ABCA5: variants seen among roughly 807,000 people sequenced by gnomAD.
ABCA5 encodes the protein cholesterol transporter ABCA5.
ABCA5 carries 163 observed loss-of-function variants against 206.0 expected under a neutral mutation model. That is an observed-to-expected ratio of 0.79 (90% confidence interval 0.70 to 0.90). The LOEUF is 0.90. Ranked by LOEUF, ABCA5 falls within the 40% of genes least tolerant of loss-of-function variation. The pLI is 0.00. For synonymous variants in ABCA5, 609 were observed against 613.8 expected (o/e 0.99, Z 0.11); for missense variants, 1,859 against 1,912.9 (o/e 0.97, Z 0.53).
intron 22 of ABCA5, 99 bp downstream of exon 22, chr17:69,270,514 G>A: frequency 8.7e-7 from 1 of 1,151,208 alleles, no homozygotes. Flanking sequence ...GATCTCACAA[G>A]ATAAATTTCT....
intron 9 of ABCA5, 36 bp downstream of exon 9, chr17:69,301,103 A>C (rs775407281): frequency 6.0e-5 from 90 of 1,489,214 alleles, no homozygotes; most frequent in Non-Finnish European, 7.6e-5. Flanking sequence ...AAAGCCTAAA[A>C]ATCTTTAAAG....
intron 15 of ABCA5, 52 bp from the exon 16 acceptor site, chr17:69,286,363 A>C (rs976494252): frequency 2.0e-6 from 3 of 1,472,798 alleles, no homozygotes; most frequent in Non-Finnish European, 2.8e-6. Flanking sequence ...AGCATTAATA[A>C]TTGGCATTTA....
chr17:69,283,896 C>T (rs1441925423), intron 18 of ABCA5, 57 bp downstream of exon 18: 3 of 1,524,034 alleles, frequency 2.0e-6, no homozygotes, highest in East Asian at 4.9e-5. Flanking sequence ...TAATTTTTGT[C>T]TTATTCACCA....
Position 69,255,721 on chromosome 17 carries a change from T to C in ABCA5, c.3976+12A>G. The C allele has an allele frequency of 6.3e-7, 1 of 1,580,116 alleles. No individual in the cohort carries two copies. The highest frequency in any genetic ancestry group is 8.5e-7 in the Non-Finnish European group (1 of 1,170,842). On this transcript the variant is annotated intron_variant, in intron 30 of 38. Coordinates refer to ENST00000392676, the MANE Select transcript of ABCA5 (RefSeq NM_172232.4). ...TCTAGAAAAGTTATGTAAGGAAAAATTAAATACCAGCCTTTTTTCACACAG... is the reference window on the plus strand; with the variant it reads ...TCTAGAAAAGTTATGTAAGGAAAAACTAAATACCAGCCTTTTTTCACACAG...
At chr17:69,262,594 G>C (rs916044847) in intron 24 of ABCA5, among the ~76,000 whole-genome samples, 31 of 152,168 alleles carry the variant, frequency 2.0e-4, no homozygotes, top group South Asian at 4.2e-4. Context: ...TCAGTATTCC[G>C]TGGTGTATAT....
At chr17:69,301,611 A>T (rs1348376154) in intron 8 of ABCA5, among the ~76,000 whole-genome samples, 1 of 152,180 alleles carries the variant, frequency 6.6e-6, no homozygotes, top group African/African-American at 2.4e-5. Flanking sequence ...TATTAATAAT[A>T]ACAAATGCAA....
At chr17:69,323,231 A>G (rs1010913183) in intron 1 of ABCA5, among the ~76,000 whole-genome samples, 5 of 152,214 alleles carry the variant, frequency 3.3e-5, no homozygotes, top group African/African-American at 1.2e-4. Context: ...GACTGTGATA[A>G]AAGACCCTTT....
intron 34 of ABCA5, 129 bp from the exon 35 acceptor site, chr17:69,251,995 AT>A: frequency 2.4e-6 from 2 of 819,484 alleles, no homozygotes; most frequent in Non-Finnish European, 1.9e-6. Flanking sequence ...TGCTATGGCT[AT>A]TACATCCTGC....
In ABCA5 at chr17:69,289,166, T is replaced by A. The variant is rs1236529358; in HGVS notation, c.1902+11A>T. On this transcript the variant is annotated intron_variant, in intron 14 of 38. Coordinates refer to ENST00000392676, the MANE Select transcript of ABCA5 (RefSeq NM_172232.4). ...AAAATGAGCTCATCTGTAAAAGTAA[T>A]ATTTATTTACCTTTGGGTTCCCAAG... 2.5e-6 allele frequency: 4 copies of A among 1,592,912 alleles called. No homozygotes were observed. In the African/African-American group the frequency reaches 5.5e-5, roughly 22 times the overall value.
chr17:69,294,864 T>G, intron 10 of ABCA5, 151 bp from the exon 11 acceptor site: 1 of 516,244 alleles, frequency 1.9e-6, no homozygotes, highest in Non-Finnish European at 3.3e-6. Context: ...ATGAACCAAA[T>G]AATGTTGATA....
At chr17:69,263,697 C>CT (rs58369537) in intron 24 of ABCA5, among the ~76,000 whole-genome samples, 2,789 of 103,650 alleles carry the variant, frequency 0.027, 156 homozygotes, top group East Asian at 0.057. Flanking sequence ...ACATGGATTC[C>CT]TTTTTTTTTT....
intron 6 of ABCA5, among the ~76,000 whole-genome samples, chr17:69,305,065 T>C (rs138230669): frequency 1.8e-4 from 28 of 152,306 alleles, no homozygotes; most frequent in African/African-American, 6.5e-4. Context: ...TCAAAATGAA[T>C]AGTAATTCAT....
Position 69,313,221 on chromosome 17 carries a change from C to T in ABCA5, c.178G>A (p.Glu60Lys). The change falls in exon 3 of 39, where the codon GAA becomes AAA. Residue 60 changes from glutamate (E) to lysine (K), a missense_variant. Physicochemically the swap from Glu to Lys is moderately conservative, Grantham distance 56. Coordinates refer to ENST00000392676, the MANE Select transcript of ABCA5 (RefSeq NM_172232.4). ...GGATTGAGTTCTATATTAGGCACTTCTTCATATTTCTTATTTGGATGCATC... is the reference window on the plus strand; with the variant it reads ...GGATTGAGTTCTATATTAGGCACTTTTTCATATTTCTTATTTGGATGCATC... ...SMMHPNKKYE[E>K]VPNIELNPMD... The T allele has an allele frequency of 1.3e-6, 2 of 1,538,522 alleles. No homozygotes were observed. Among genetic ancestry groups the T allele is most frequent in the Non-Finnish European group, 1.8e-6 (2 of 1,113,916 alleles).
At chr17:69,316,195 A>G (rs998984671) in intron 1 of ABCA5, among the ~76,000 whole-genome samples, 4 of 152,238 alleles carry the variant, frequency 2.6e-5, no homozygotes, top group African/African-American at 9.6e-5. Context: ...ACAGTGCTTC[A>G]GAAAACTGTG....
In ABCA5 at chr17:69,287,449, A is replaced by C. The variant is rs138534609; in HGVS notation, c.2041+164T>G. ...ACCTGGGATGGTCTTGGAGATTCTC[A>C]ACACAAAAATGTATCATTTTAAAAT... is the stretch of plus-strand genomic sequence containing the variant. On this transcript the variant is annotated intron_variant, in intron 15 of 38. Transcript: ENST00000392676. Among the ~76,000 whole-genome samples, 201 of 152,320 alleles carry C rather than the reference A, an allele frequency of 1.3e-3. 2 individuals carry two copies. The highest frequency in any genetic ancestry group is 4.7e-3 in the African/African-American group (196 of 41,574).
rs2075247521 is a variant in ABCA5, at chr17:69,269,425, C to G, written c.3030+1188G>C. On this transcript the variant is annotated intron_variant, in intron 22 of 38. Coordinates refer to ENST00000392676, the MANE Select transcript of ABCA5 (RefSeq NM_172232.4). Reference sequence around the variant, plus strand: ...TTGAAATATTTCATAATATGAGATACCTCTCCACAGACACTGCTGCTGGAA... The same window carrying G: ...TTGAAATATTTCATAATATGAGATAGCTCTCCACAGACACTGCTGCTGGAA... Among the ~76,000 whole-genome samples, 6 of 152,156 alleles carry G rather than the reference C, an allele frequency of 3.9e-5. No individual in the cohort carries two copies. The South Asian group carries it at 1.2e-3, about 32-fold the overall frequency.
In ABCA5 at chr17:69,259,690, T is replaced by A. The variant is rs757608214; in HGVS notation, c.3731+16A>T. ...ATATACTAAAAACATTTAAAATTTT[T>A]AAAAAATCAACTGACCTGAAAAAGG... On this transcript the variant is annotated intron_variant, in intron 28 of 38. Coordinates refer to ENST00000392676, the MANE Select transcript of ABCA5 (RefSeq NM_172232.4). 3.3e-5 allele frequency: 51 copies of A among 1,537,418 alleles called. No individual in the cohort carries two copies. In the African/African-American group the frequency reaches 6.3e-4, roughly 19 times the overall value.
At chr17:69,250,086 C>T in intron 36 of ABCA5, 102 bp from the exon 37 acceptor site, 6 of 764,028 alleles carry the variant, frequency 7.9e-6, no homozygotes, top group Non-Finnish European at 1.1e-5. Context: ...AATTCAATAA[C>T]TTATTTTGGT....
At chr17:69,275,775 T>A (rs979205072) in intron 19 of ABCA5, among the ~76,000 whole-genome samples, 4 of 152,178 alleles carry the variant, frequency 2.6e-5, no homozygotes, top group African/African-American at 7.2e-5. Context: ...ATGATGGTAT[T>A]TGGAAATGGG....
Sources: allele counts gnomAD v4.1 joint callset (sites outside exome capture counted in the v4.1 genomes callset), GRCh38; gene constraint gnomAD v4.1.1; transcripts MANE v1.5; gene names NCBI Gene and HGNC (gene_info 2026-07-23, HGNC 2026-07-21).